NR2F1-AS1: variants seen among roughly 807,000 people sequenced by gnomAD.
NR2F1-AS1 encodes NR2F1 regulatory antisense RNA 1.
At chr5:93,435,058 G>C (rs768468568) in intron 4 of NR2F1-AS1, among the ~76,000 whole-genome samples, 2 of 152,104 alleles carry the variant, frequency 1.3e-5, no homozygotes, top group African/African-American at 4.8e-5. Flanking sequence ...TAACTTACGG[G>C]TAGATGCTTT....
intron 4 of NR2F1-AS1, among the ~76,000 whole-genome samples, chr5:93,442,250 C>T (rs771860704): frequency 3.3e-5 from 5 of 152,204 alleles, no homozygotes; most frequent in Non-Finnish European, 5.9e-5. Context: ...GGCATCACCT[C>T]ACCCAGGAAG....
At chr5:93,536,566 T>C (rs543649530) in intron 4 of NR2F1-AS1, among the ~76,000 whole-genome samples, 28 of 152,276 alleles carry the variant, frequency 1.8e-4, no homozygotes, top group African/African-American at 5.5e-4. Context: ...CAAAACAGCA[T>C]GGTACTGGCA....
chr5:93,508,633 C>T (rs1349030004), intron 4 of NR2F1-AS1, among the ~76,000 whole-genome samples: 1 of 151,704 alleles, frequency 6.6e-6, no homozygotes, highest in Non-Finnish European at 1.5e-5. Flanking sequence ...TTTGAAACCT[C>T]TATAAATAGA....
intron 1 of NR2F1-AS1, among the ~76,000 whole-genome samples, chr5:93,578,991 A>G (rs149171918): frequency 0.015 from 2,297 of 152,290 alleles, 70 homozygotes; most frequent in African/African-American, 0.052. Flanking sequence ...CTGACCTCTC[A>G]GTGCCTCTAG....
chr5:93,495,530 A>AT (rs1750940680), intron 4 of NR2F1-AS1, among the ~76,000 whole-genome samples: 1 of 152,112 alleles, frequency 6.6e-6, no homozygotes, highest in Non-Finnish European at 1.5e-5. Context: ...ATGTTTACAG[A>AT]TTTTTCATCA....
At chr5:93,414,745 G>A (rs749171324) in intron 4 of NR2F1-AS1, among the ~76,000 whole-genome samples, 6 of 152,146 alleles carry the variant, frequency 3.9e-5, no homozygotes, top group Non-Finnish European at 8.8e-5. Flanking sequence ...GAAGCAGTTT[G>A]CATGTACACT....
At chr5:93,434,384 A>C (rs777941030) in intron 4 of NR2F1-AS1, among the ~76,000 whole-genome samples, 8 of 152,168 alleles carry the variant, frequency 5.3e-5, no homozygotes, top group Non-Finnish European at 1.2e-4. Flanking sequence ...GGCATCGTAT[A>C]AAGAACTCCT....
chr5:93,514,431 A>G (rs1432346089), intron 4 of NR2F1-AS1, among the ~76,000 whole-genome samples: 1 of 152,116 alleles, frequency 6.6e-6, no homozygotes, highest in Non-Finnish European at 1.5e-5. Flanking sequence ...TTTTACCTCC[A>G]GCACCCATTA....
chr5:93,410,460 C>G (rs540868667), intron 4 of NR2F1-AS1: 10 of 152,712 alleles, frequency 6.5e-5, no homozygotes, highest in African/African-American at 2.4e-4. Flanking sequence ...GTAAGCATTG[C>G]CACCTGAGTT....
chr5:93,479,601 T>A (rs1320433255), intron 4 of NR2F1-AS1, among the ~76,000 whole-genome samples: 1 of 152,134 alleles, frequency 6.6e-6, no homozygotes, highest in Non-Finnish European at 1.5e-5. Context: ...ATTCAAAATG[T>A]CCAGTTCTCA....
intron 4 of NR2F1-AS1, among the ~76,000 whole-genome samples, chr5:93,483,502 C>T (rs1478319907): frequency 6.6e-6 from 1 of 152,056 alleles, no homozygotes; most frequent in Non-Finnish European, 1.5e-5. Flanking sequence ...AAAAACAGCA[C>T]AAAAAAGCTG....
intron 4 of NR2F1-AS1, chr5:93,432,222 A>G (rs1197438655): frequency 6.6e-6 from 1 of 152,166 alleles, no homozygotes; most frequent in East Asian, 1.9e-4. Context: ...TATATAGTCA[A>G]TTCTTTTAGT....
At chr5:93,531,289 C>T (rs143025277) in intron 4 of NR2F1-AS1, among the ~76,000 whole-genome samples, 1 of 137,252 alleles carries the variant, frequency 7.3e-6, no homozygotes, top group African/African-American at 2.8e-5. Context: ...AAGATATTCC[C>T]AGAAAATTCT....
chr5:93,435,665 T>C (rs1296663874), intron 4 of NR2F1-AS1, among the ~76,000 whole-genome samples: 3 of 152,164 alleles, frequency 2.0e-5, no homozygotes, highest in Non-Finnish European at 2.9e-5. Context: ...TGATGCCCCA[T>C]CAGGGCTCGC....
chr5:93,496,482 T>G (rs1041670462), intron 4 of NR2F1-AS1, among the ~76,000 whole-genome samples: 11 of 152,308 alleles, frequency 7.2e-5, no homozygotes, highest in African/African-American at 2.6e-4. Context: ...CTGTCATAAT[T>G]TCCTTCTCCC....
At chr5:93,453,419 AAAAT>A (rs1443510216) in intron 4 of NR2F1-AS1, among the ~76,000 whole-genome samples, 2 of 152,120 alleles carry the variant, frequency 1.3e-5, no homozygotes, top group Admixed American at 6.6e-5. Context: ...AAATTCTGTA[AAAAT>A]AAATAAATAA....
chr5:93,534,721 T>C (rs1238263931), intron 4 of NR2F1-AS1, among the ~76,000 whole-genome samples: 2 of 152,124 alleles, frequency 1.3e-5, no homozygotes, highest in South Asian at 2.1e-4. Context: ...GAGAAGTAGA[T>C]CATCCAGGAA....
chr5:93,468,905 T>A (rs1750304932), intron 4 of NR2F1-AS1, among the ~76,000 whole-genome samples: 1 of 152,206 alleles, frequency 6.6e-6, no homozygotes, highest in Non-Finnish European at 1.5e-5. Context: ...AAGCAGGGAA[T>A]CCTTTCCCCA....
intron 4 of NR2F1-AS1, among the ~76,000 whole-genome samples, chr5:93,462,034 G>A (rs1750105611): frequency 6.6e-6 from 1 of 152,212 alleles, no homozygotes; most frequent in Admixed American, 6.5e-5. Flanking sequence ...GTGTTGGTGT[G>A]AGGCATTAAC....
Sources: gnomAD v4.1 joint callset for allele counts (sites outside exome capture counted in the v4.1 genomes callset) on GRCh38, gnomAD v4.1.1 for gene constraint, MANE v1.5 for transcripts, NCBI Gene and HGNC (gene_info 2026-07-23, HGNC 2026-07-21) for gene names.